The following SDHB variants were observed in gnomAD, a reference collection of about 807,000 sequenced individuals.
SDHB encodes the protein succinate dehydrogenase complex iron sulfur subunit B.
A neutral mutation model predicts 39.7 loss-of-function variants in SDHB; 21 were observed. The ratio of observed to expected loss-of-function variants is 0.53; its 90% CI spans 0.37 to 0.76. SDHB has a LOEUF of 0.76. Ranked by LOEUF, SDHB falls within the 30% of genes least tolerant of loss-of-function variation. The pLI, the probability that SDHB is intolerant of heterozygous loss-of-function variation, is 0.00. For missense variants in SDHB, 343 were observed against 350.9 expected (o/e 0.98, Z 0.18); for synonymous variants, 118 against 117.0 (o/e 1.01, Z -0.06).
chr1:17,031,173 A>G (rs774566981), intron 3 of SDHB, among the ~76,000 whole-genome samples: 2 of 152,056 alleles, frequency 1.3e-5, no homozygotes, highest in Non-Finnish European at 2.9e-5. Flanking sequence ...GAACCCAAAG[A>G]TGTGTCTTAA....
At chr1:17,039,915 TC>T (rs2078071476) in intron 2 of SDHB, among the ~76,000 whole-genome samples, 1 of 152,212 alleles carries the variant, frequency 6.6e-6, no homozygotes, top group Non-Finnish European at 1.5e-5. Context: ...CCAGCGCTCT[TC>T]ATTCCTTTTC....
At chr1:17,053,875 C>A in intron 1 of SDHB, 73 bp downstream of exon 1, 1 of 1,132,734 alleles carries the variant, frequency 8.8e-7, no homozygotes, top group South Asian at 1.3e-5. Context: ...CTCAGTCTCT[C>A]CGCAGCCCCA....
chr1:17,046,743 G>A (rs1276517355), intron 1 of SDHB, among the ~76,000 whole-genome samples: 1 of 152,080 alleles, frequency 6.6e-6, no homozygotes, highest in Non-Finnish European at 1.5e-5. Context: ...TTGAGACTGA[G>A]TTTTGCTCTT....
At chr1:17,050,165 G>T (rs2078137251) in intron 1 of SDHB, among the ~76,000 whole-genome samples, 1 of 152,122 alleles carries the variant, frequency 6.6e-6, no homozygotes, top group Non-Finnish European at 1.5e-5. Flanking sequence ...AAGAGACTAA[G>T]TTTGTATTAG....
intron 1 of SDHB, among the ~76,000 whole-genome samples, chr1:17,046,684 A>G (rs1453822170): frequency 6.6e-6 from 1 of 152,150 alleles, no homozygotes; most frequent in African/African-American, 2.4e-5. Flanking sequence ...ATATAACCAT[A>G]GTTAAATGCT....
chr1:17,020,228 G>A (rs537209205), intron 7 of SDHB, among the ~76,000 whole-genome samples: 3 of 152,244 alleles, frequency 2.0e-5, no homozygotes, highest in Admixed American at 2.0e-4. Flanking sequence ...AGACTTAGAA[G>A]GTTGGTACAT....
At chr1:17,021,062 T>C (rs12747436) in intron 7 of SDHB, among the ~76,000 whole-genome samples, 123 of 152,354 alleles carry the variant, frequency 8.1e-4, no homozygotes, top group Middle Eastern at 3.4e-3. Context: ...AGCCGTGTTC[T>C]GAACCACACA....
At chr1:17,023,909 G>T in intron 6 of SDHB, 64 bp downstream of exon 6, 1 of 1,250,644 alleles carries the variant, frequency 8.0e-7, no homozygotes, top group Non-Finnish European at 1.2e-6. Flanking sequence ...GCAATCTATT[G>T]TCCTCTTGGA....
intron 1 of SDHB, among the ~76,000 whole-genome samples, chr1:17,046,836 G>C (rs761360438): frequency 6.6e-6 from 1 of 152,042 alleles, no homozygotes; most frequent in Non-Finnish European, 1.5e-5. Context: ...TCCTGCCTCA[G>C]TCTCCCGAGT....
intron 3 of SDHB, among the ~76,000 whole-genome samples, chr1:17,030,775 G>C (rs1204232372): frequency 6.6e-6 from 1 of 151,602 alleles, no homozygotes; most frequent in Non-Finnish European, 1.5e-5. Flanking sequence ...TCTGCCTCCC[G>C]GGTTCAAGTG....
At chr1:17,053,810 C>G in intron 1 of SDHB, 138 bp downstream of exon 1, 1 of 720,730 alleles carries the variant, frequency 1.4e-6, no homozygotes, top group Non-Finnish European at 2.5e-6. Flanking sequence ...CAAACCAAAG[C>G]ACTGCACCAG....
At chr1:17,052,751 G>T (rs1339539152) in intron 1 of SDHB, among the ~76,000 whole-genome samples, 2 of 152,164 alleles carry the variant, frequency 1.3e-5, no homozygotes, top group Non-Finnish European at 2.9e-5. Flanking sequence ...ATAGAACCAG[G>T]ATTGGAACAT....
chr1:17,050,400 G>C (rs1259448123), intron 1 of SDHB, among the ~76,000 whole-genome samples: 1 of 151,696 alleles, frequency 6.6e-6, no homozygotes, highest in Non-Finnish European at 1.5e-5. Context: ...TGTAATCCCA[G>C]TACTTTGGGA....
At chr1:17,033,001 G>C (rs2078031507) in intron 3 of SDHB, 59 bp downstream of exon 3, 2 of 1,363,766 alleles carry the variant, frequency 1.5e-6, no homozygotes, top group Admixed American at 3.4e-5. Context: ...GCTTTGGCCA[G>C]CCCAAGCCTC....
intron 1 of SDHB, among the ~76,000 whole-genome samples, chr1:17,047,818 G>A (rs1570959921): frequency 2.0e-5 from 3 of 152,280 alleles, no homozygotes; most frequent in East Asian, 1.9e-4. Context: ...AGGACTACAG[G>A]CATGCGCCAC....
At chr1:17,051,613 T>G (rs914721301) in intron 1 of SDHB, among the ~76,000 whole-genome samples, 4 of 151,554 alleles carry the variant, frequency 2.6e-5, no homozygotes, top group Admixed American at 6.6e-5. Flanking sequence ...TGTATTCTTC[T>G]GCAAATTATT....
intron 1 of SDHB, chr1:17,052,343 G>A (rs2078152935): frequency 6.6e-6 from 1 of 152,182 alleles, no homozygotes; most frequent in Non-Finnish European, 1.5e-5. Flanking sequence ...AACACACCAA[G>A]CTCATTACTG....
chr1:17,027,592 C>A (rs565439514), intron 5 of SDHB, 157 bp downstream of exon 5: 1 of 685,300 alleles, frequency 1.5e-6, no homozygotes, highest in East Asian at 2.7e-5. Context: ...ACTACTCACC[C>A]GGCCCTAAGA....
At chr1:17,047,235 A>T (rs1261921739) in intron 1 of SDHB, among the ~76,000 whole-genome samples, 1 of 151,748 alleles carries the variant, frequency 6.6e-6, no homozygotes, top group Non-Finnish European at 1.5e-5. Context: ...ACATGTCTGT[A>T]ATCCCAGCTA....
Sources: allele counts gnomAD v4.1 joint callset (sites outside exome capture counted in the v4.1 genomes callset), GRCh38; gene constraint gnomAD v4.1.1; transcripts MANE v1.5; gene names NCBI Gene and HGNC (gene_info 2026-07-23, HGNC 2026-07-21).